The following KIF18A variants were observed in gnomAD, a reference collection of about 807,000 sequenced individuals.
KIF18A encodes kinesin family member 18A.
A neutral mutation model predicts 103.3 loss-of-function variants in KIF18A; 67 were observed. The observed-to-expected ratio is 0.65, with a 90% CI of 0.53 to 0.79. The LOEUF is 0.79. KIF18A is among the 30% of genes least tolerant of loss of function. The probability of loss-of-function intolerance (pLI) is 0.00; values close to 1 mark genes in which losing one functional copy is unlikely to be tolerated. For synonymous variants in KIF18A, 367 were observed against 355.5 expected (o/e 1.03, Z -0.36); for missense variants, 1,032 against 1,062.5 (o/e 0.97, Z 0.40).
At chr11:28,025,017 A>G (rs1023655825) in intron 15 of KIF18A, among the ~76,000 whole-genome samples, 4 of 152,058 alleles carry the variant, frequency 2.6e-5, no homozygotes, top group Admixed American at 1.3e-4. Flanking sequence ...AATAATAATA[A>G]AATAGAGCAA....
chr11:28,077,237 G>C (rs899504174), intron 9 of KIF18A, 68 bp from the exon 10 acceptor site: 1 of 1,097,704 alleles, frequency 9.1e-7, no homozygotes, highest in Non-Finnish European at 1.3e-6. Flanking sequence ...GTTTACTTAA[G>C]AGAAATGCAT....
chr11:28,080,851 G>C (rs1851156951), intron 9 of KIF18A, among the ~76,000 whole-genome samples: 1 of 152,192 alleles, frequency 6.6e-6, no homozygotes, highest in African/African-American at 2.4e-5. Flanking sequence ...ATTTAGCCAA[G>C]TTGTGAATGC....
chr11:28,076,319 T>C (rs577719799), intron 10 of KIF18A, among the ~76,000 whole-genome samples: 1 of 152,290 alleles, frequency 6.6e-6, no homozygotes, highest in African/African-American at 2.4e-5. Flanking sequence ...AAAAATCTCC[T>C]GTTGGTCTAA....
chr11:28,030,577 C>A (rs1441951523), intron 15 of KIF18A, among the ~76,000 whole-genome samples: 1 of 151,986 alleles, frequency 6.6e-6, no homozygotes, highest in Non-Finnish European at 1.5e-5. Flanking sequence ...CCATAAAAAC[C>A]CCAGAAGAAA....
chr11:28,054,785 A>G (rs942614658), intron 13 of KIF18A, among the ~76,000 whole-genome samples: 4 of 152,210 alleles, frequency 2.6e-5, no homozygotes, highest in Admixed American at 1.3e-4. Context: ...TCACCTTCTA[A>G]TATGTGTTCA....
At chr11:28,058,808 C>T in intron 13 of KIF18A, 118 bp downstream of exon 13, 2 of 731,500 alleles carry the variant, frequency 2.7e-6, no homozygotes, top group South Asian at 3.7e-5. Flanking sequence ...AGCTAATTTT[C>T]CCATTAATTT....
chr11:28,035,741 C>G lies in KIF18A; in HGVS notation c.2397-247G>C, dbSNP rs559707693. Reference sequence around the variant, plus strand: ...TAGAATAGTGAAGGTATTTTTCTTTCCATATTTAGATTGGGTATGATTATG... The same window carrying G: ...TAGAATAGTGAAGGTATTTTTCTTTGCATATTTAGATTGGGTATGATTATG... On this transcript the variant is annotated intron_variant, in intron 14 of 16. Coordinates refer to ENST00000263181, the MANE Select transcript of KIF18A (RefSeq NM_031217.4). Among the ~76,000 whole-genome samples the G allele has an allele frequency of 5.9e-5, 9 of 151,544 alleles. No homozygotes were observed. In the South Asian group the frequency reaches 1.9e-3, roughly 31 times the overall value.
At chr11:28,025,738 C>A (rs1850310546) in intron 15 of KIF18A, among the ~76,000 whole-genome samples, 1 of 151,912 alleles carries the variant, frequency 6.6e-6, no homozygotes, top group Non-Finnish European at 1.5e-5. Context: ...AGCGCAAGTT[C>A]AAATTATGTT....
chr11:28,083,221 A>G lies in KIF18A; in HGVS notation c.1097T>C (p.Val366Ala). The G allele has an allele frequency of 6.4e-7, 1 of 1,557,324 alleles. No homozygotes were observed. The change falls in exon 8 of 17, where the codon GTC (valine) becomes GCC (alanine). Residue 366 changes from valine to alanine, a missense_variant. Transcript: ENST00000263181. ...KSSLKSNVLNVNNHITQYVKI... is the reference protein window; with the variant it reads ...KSSLKSNVLNANNHITQYVKI... ...TACATATTGAGTTATATGATTATTG[A>G]CATTAAGAACATTGCTCTTCAACTG...
At chr11:28,050,595 T>A (rs1305233827) in intron 13 of KIF18A, among the ~76,000 whole-genome samples, 1 of 151,852 alleles carries the variant, frequency 6.6e-6, no homozygotes, top group Non-Finnish European at 1.5e-5. Context: ...ATAAAATCAC[T>A]GACATTGGGT....
At chr11:28,038,302 T>C (rs1850519504) in intron 13 of KIF18A, among the ~76,000 whole-genome samples, 1 of 151,598 alleles carries the variant, frequency 6.6e-6, no homozygotes, top group Admixed American at 6.6e-5. Context: ...ATGCCCCAAA[T>C]AATGACATAT....
chr11:28,095,023 C>A (rs1339164145), intron 2 of KIF18A, among the ~76,000 whole-genome samples: 1 of 152,276 alleles, frequency 6.6e-6, no homozygotes, highest in Admixed American at 6.5e-5. Context: ...CCCGGCCCCC[C>A]ACTCTAACAA....
In KIF18A at chr11:28,022,434, T is replaced by A. The variant is rs530676409; in HGVS notation, c.2615-1152A>T. Among the ~76,000 whole-genome samples, 334 of 152,162 alleles carry A rather than the reference T, an allele frequency of 2.2e-3. 3 individuals carry two copies. Among genetic ancestry groups the A allele is most frequent in the Non-Finnish European group, 1.5e-3 (103 of 68,010 alleles). The stretch of plus-strand genomic sequence containing the variant: ...CGCCTGCCACCATGCCCGGCTAATT[T>A]TTTAAAATTTTTTTGGTAGAGACGG... On this transcript the variant is annotated intron_variant, in intron 16 of 16. Coordinates refer to ENST00000263181, the MANE Select transcript of KIF18A (RefSeq NM_031217.4).
intron 13 of KIF18A, among the ~76,000 whole-genome samples, chr11:28,040,908 A>G (rs1380203647): frequency 6.6e-6 from 1 of 151,824 alleles, no homozygotes; most frequent in Middle Eastern, 3.2e-3. Flanking sequence ...AGTGAATAGG[A>G]CTTTTTGAAA....
chr11:28,073,886 A>G (rs555520981), intron 10 of KIF18A, among the ~76,000 whole-genome samples: 1 of 152,334 alleles, frequency 6.6e-6, no homozygotes, highest in East Asian at 1.9e-4. Context: ...TGAGATGTTA[A>G]GTCAATATCA....
At chr11:28,031,546 G>A (rs769262744) in intron 15 of KIF18A, among the ~76,000 whole-genome samples, 10 of 152,132 alleles carry the variant, frequency 6.6e-5, no homozygotes, top group Middle Eastern at 6.8e-3. Flanking sequence ...TAGGGGGAGC[G>A]CAGAGGGAAA....
At chr11:28,028,711 A>C (rs1197923114) in intron 15 of KIF18A, among the ~76,000 whole-genome samples, 3 of 152,150 alleles carry the variant, frequency 2.0e-5, no homozygotes, top group Non-Finnish European at 4.4e-5. Context: ...AGACGCAAAA[A>C]ACCCTTCAAA....
rs781742659 is a variant in KIF18A, at chr11:28,047,368, TTAAC to T, written c.1949-10708_1949-10705del. On this transcript the variant is annotated intron_variant, in intron 13 of 16. Transcript: ENST00000263181. ...CAAGCAAGATAAGGCCTTACGTACTTTAACTATGACATTTCTATGTCATGGGAAT... is the reference window on the plus strand; with the variant it reads ...CAAGCAAGATAAGGCCTTACGTACTTTATGACATTTCTATGTCATGGGAAT... Among the ~76,000 whole-genome samples the T allele has an allele frequency of 2.6e-5, 4 of 152,180 alleles. No individual in the cohort carries two copies. The South Asian group carries it at 6.2e-4, about 24-fold the overall frequency.
At chr11:28,059,720 C>T (rs984432410) in intron 12 of KIF18A, among the ~76,000 whole-genome samples, 2 of 152,148 alleles carry the variant, frequency 1.3e-5, no homozygotes, top group Non-Finnish European at 2.9e-5. Context: ...GGATGAGCCA[C>T]TGTCCCTAGC....
Sources: gnomAD v4.1 joint callset for allele counts (sites outside exome capture counted in the v4.1 genomes callset) on GRCh38, gnomAD v4.1.1 for gene constraint, MANE v1.5 for transcripts, NCBI Gene and HGNC (gene_info 2026-07-23, HGNC 2026-07-21) for gene names.